RB1CC1: variants seen among roughly 807,000 people sequenced by gnomAD.
RB1CC1 encodes RB1 inducible coiled-coil 1, also known as RB1-inducible coiled-coil protein 1.
Under a neutral mutation model 177.5 loss-of-function variants are expected in RB1CC1, and 46 were observed. The ratio of observed to expected loss-of-function variants is 0.26; its 90% CI spans 0.20 to 0.33. The LOEUF is 0.33. Ranked by LOEUF, RB1CC1 falls within the 10% of genes least tolerant of loss-of-function variation. RB1CC1 has a pLI of 1.00. For missense variants in RB1CC1, 1,703 were observed against 1,816.3 expected (o/e 0.94, Z 1.13); for synonymous variants, 666 against 613.6 (o/e 1.09, Z -1.26).
chr8:52,681,743 C>G (rs900883469), intron 5 of RB1CC1, among the ~76,000 whole-genome samples: 1 of 152,174 alleles, frequency 6.6e-6, no homozygotes, highest in African/African-American at 2.4e-5. Flanking sequence ...CCAACCTCGG[C>G]AACGCAGTGA....
At chr8:52,667,955 G>A in intron 8 of RB1CC1, 66 bp downstream of exon 8, 2 of 1,471,830 alleles carry the variant, frequency 1.4e-6, no homozygotes. Flanking sequence ...AATTGATACT[G>A]CATATAAAAC....
At chr8:52,625,391 G>C (rs925433303) in intron 22 of RB1CC1, among the ~76,000 whole-genome samples, 4 of 152,076 alleles carry the variant, frequency 2.6e-5, no homozygotes, top group African/African-American at 9.7e-5. Flanking sequence ...AAATGTGAGA[G>C]AAGACAGGAT....
chr8:52,655,572 A>T (rs1851019081), intron 15 of RB1CC1, among the ~76,000 whole-genome samples: 1 of 152,138 alleles, frequency 6.6e-6, no homozygotes, highest in Admixed American at 6.6e-5. Context: ...GGAACACTCT[A>T]CATGTTCCTA....
chr8:52,658,701 C>A (rs1219620952), intron 13 of RB1CC1, among the ~76,000 whole-genome samples, 172 bp downstream of exon 13: 1 of 151,792 alleles, frequency 6.6e-6, no homozygotes, highest in East Asian at 1.9e-4. Context: ...CTTCATTTTC[C>A]ATCATTTTTT....
chr8:52,676,277 G>T, intron 6 of RB1CC1, 92 bp downstream of exon 6: 3 of 1,105,382 alleles, frequency 2.7e-6, no homozygotes, highest in Non-Finnish European at 4.0e-6. Context: ...TAAATATATG[G>T]CCTATAAGAA....
chr8:52,652,782 G>A (rs1397372876), intron 15 of RB1CC1, among the ~76,000 whole-genome samples: 2 of 152,276 alleles, frequency 1.3e-5, no homozygotes, highest in South Asian at 2.1e-4. Flanking sequence ...TGCTGGCCAG[G>A]CGTGGTGGCT....
At chr8:52,638,499 TC>T (rs1443870156) in intron 18 of RB1CC1, among the ~76,000 whole-genome samples, 1 of 152,168 alleles carries the variant, frequency 6.6e-6, no homozygotes, top group African/African-American at 2.4e-5. Flanking sequence ...AAGAGTTCTC[TC>T]CTATTTTTTA....
At chr8:52,678,584 G>A (rs1454633481) in intron 5 of RB1CC1, among the ~76,000 whole-genome samples, 1 of 152,124 alleles carries the variant, frequency 6.6e-6, no homozygotes, top group Non-Finnish European at 1.5e-5. Flanking sequence ...AGATGGAGTG[G>A]GGGATGCAAC....
At chr8:52,630,557 T>TAC in intron 20 of RB1CC1, 29 bp from the exon 21 acceptor site, 1 of 1,540,232 alleles carries the variant, frequency 6.5e-7, no homozygotes, top group South Asian at 1.3e-5. Context: ...TTTATGAACT[T>TAC]ACACAATTTG....
intron 6 of RB1CC1, among the ~76,000 whole-genome samples, chr8:52,675,073 G>C (rs16918088): frequency 0.029 from 4,459 of 152,212 alleles, 246 homozygotes; most frequent in African/African-American, 0.1. Context: ...TCTATAAAAT[G>C]ATGTGCAATA....
chr8:52,666,706 T>C (rs1852099576), intron 8 of RB1CC1, among the ~76,000 whole-genome samples: 1 of 151,804 alleles, frequency 6.6e-6, no homozygotes, highest in Admixed American at 6.6e-5. Flanking sequence ...AGAACCAAAC[T>C]GAAACTGTAG....
intron 21 of RB1CC1, 45 bp downstream of exon 21, chr8:52,630,425 T>C: frequency 1.3e-6 from 2 of 1,522,986 alleles, no homozygotes; most frequent in Non-Finnish European, 8.8e-7. Flanking sequence ...AACAATTCAG[T>C]GAATGTTTTT....
chr8:52,673,209 A>T (rs1018924212), intron 7 of RB1CC1, among the ~76,000 whole-genome samples: 6 of 152,184 alleles, frequency 3.9e-5, no homozygotes, highest in Non-Finnish European at 4.4e-5. Flanking sequence ...ATTATTTAAC[A>T]TTTCTGTAAC....
In RB1CC1 at chr8:52,662,977, T is replaced by A. The variant is rs191983789; in HGVS notation, c.1174-1258A>T. On this transcript the variant is annotated intron_variant, in intron 8 of 23. Coordinates refer to ENST00000025008, the MANE Select transcript of RB1CC1 (RefSeq NM_014781.5). ...AAATTCTAGACCATTAGTAAAGGAT[T>A]TCCTGACACCAAAAGCATGTAAGTA... Among the ~76,000 whole-genome samples the A allele has an allele frequency of 3.2e-3, 492 of 152,214 alleles. 9 individuals carry two copies. Among genetic ancestry groups the A allele is most frequent in the Middle Eastern group, 0.02 (6 of 294 alleles).
At chr8:52,625,936 T>G (rs1301023621) in intron 22 of RB1CC1, among the ~76,000 whole-genome samples, 1 of 152,134 alleles carries the variant, frequency 6.6e-6, no homozygotes, top group African/African-American at 2.4e-5. Flanking sequence ...TTTGGGAAGA[T>G]ATACACGAAA....
Position 52,637,676 on chromosome 8 carries a change from T to C in RB1CC1, c.4338-1607A>G, listed in dbSNP as rs1025857307. On this transcript the variant is annotated intron_variant, in intron 18 of 23. Transcript: ENST00000025008. ...CTAGATGCATTTATTTATTTATTTA[T>C]TTATTTATATATTTATTTTTTGAGA... Among the ~76,000 whole-genome samples, 8 of 152,046 alleles carry C rather than the reference T, an allele frequency of 5.3e-5. No homozygotes were observed. The East Asian group carries it at 1.4e-3, about 26-fold the overall frequency.
chr8:52,669,041 A>C (rs546343339), intron 7 of RB1CC1, among the ~76,000 whole-genome samples: 22 of 152,288 alleles, frequency 1.4e-4, no homozygotes, highest in African/African-American at 5.3e-4. Context: ...ACTTTTCTGG[A>C]GATAACTCCC....
rs557337696 is a variant in RB1CC1, at chr8:52,698,404, G to A, written c.-166-11437C>T. On this transcript the variant is annotated intron_variant, in intron 1 of 23. Transcript: ENST00000025008. ...GTGGCGCCATCTTGGCTCACCGGAAGCTCCGCCTCCCAGGTTCACGCCATT... is the reference window on the plus strand; with the variant it reads ...GTGGCGCCATCTTGGCTCACCGGAAACTCCGCCTCCCAGGTTCACGCCATT... Among the ~76,000 whole-genome samples, 19 of 151,500 alleles carry A rather than the reference G, an allele frequency of 1.3e-4. No homozygotes were observed. The South Asian group carries it at 4.0e-3, about 32-fold the overall frequency.
chr8:52,630,402 A>G, intron 21 of RB1CC1, 68 bp downstream of exon 21: 1 of 1,492,956 alleles, frequency 6.7e-7, no homozygotes. Context: ...TGTCACTGAA[A>G]TACATTTTCA....
Sources: allele counts gnomAD v4.1 joint callset (sites outside exome capture counted in the v4.1 genomes callset), GRCh38; gene constraint gnomAD v4.1.1; transcripts MANE v1.5; gene names NCBI Gene and HGNC (gene_info 2026-07-23, HGNC 2026-07-21).